The following MOB3B variants were observed in gnomAD, a reference collection of about 807,000 sequenced individuals.
MOB3B encodes MOB kinase activator-like 2B.
MOB3B carries 7 observed loss-of-function variants against 18.7 expected under a neutral mutation model. The observed-to-expected ratio is 0.37, with a 90% confidence interval of 0.21 to 0.70. MOB3B has a LOEUF of 0.70. MOB3B is among the 30% of genes least tolerant of loss of function. The pLI is 0.52. For synonymous variants in MOB3B, 111 were observed against 99.9 expected (o/e 1.11, Z -0.66); for missense variants, 253 against 281.3 (o/e 0.90, Z 0.72).
chr9:27,357,776 G>C (rs776997573), intron 3 of MOB3B, among the ~76,000 whole-genome samples: 7 of 151,264 alleles, frequency 4.6e-5, no homozygotes, highest in African/African-American at 1.2e-4. Flanking sequence ...ACCTGGCCAG[G>C]CATGGTGGCT....
At chr9:27,498,649 T>A (rs1196654804) in intron 1 of MOB3B, among the ~76,000 whole-genome samples, 1 of 152,212 alleles carries the variant, frequency 6.6e-6, no homozygotes, top group African/African-American at 2.4e-5. Context: ...AATGTTCTCA[T>A]CTAGGTCAAC....
At chr9:27,363,925 T>G (rs868805584) in intron 2 of MOB3B, among the ~76,000 whole-genome samples, 15 of 152,168 alleles carry the variant, frequency 9.9e-5, no homozygotes, top group Middle Eastern at 6.8e-3. Flanking sequence ...TAAATGTTTT[T>G]GTGGAGACAA....
rs144468844 is a variant in MOB3B, at chr9:27,505,171, C to T, written c.-199+24384G>A. On this transcript the variant is annotated intron_variant, in intron 1 of 3. Transcript: ENST00000262244. ...ACATCTTTGGGGAGCTATTATTTTACCTACCATACCGCATCATGTTTTTGC... is the reference window on the plus strand; with the variant it reads ...ACATCTTTGGGGAGCTATTATTTTATCTACCATACCGCATCATGTTTTTGC... Among the ~76,000 whole-genome samples the T allele has an allele frequency of 1.7e-3, 257 of 152,256 alleles. 2 individuals carry two copies. Among genetic ancestry groups the T allele is most frequent in the African/African-American group, 5.8e-3 (241 of 41,560 alleles).
rs147601782 is a variant in MOB3B at position 27,494,164 on chromosome 9, G to A, written c.-199+35391C>T. ...CTGCCTAATAAATTTTGGTCAGACC[G>A]GTTGATCTCAAAACCCTGTCTCCTG... On this transcript the variant is annotated intron_variant, in intron 1 of 3. Transcript: ENST00000262244. Among the ~76,000 whole-genome samples the A allele has an allele frequency of 2.5e-4, 38 of 152,270 alleles. 1 individual carries two copies. In the East Asian group the frequency reaches 6.2e-3, roughly 25 times the overall value.
intron 2 of MOB3B, among the ~76,000 whole-genome samples, chr9:27,425,395 C>CAA (rs1554648753): frequency 1.5e-5 from 2 of 134,558 alleles, no homozygotes; most frequent in East Asian, 4.4e-4. Context: ...AAAAACAAAA[C>CAA]AACAACAACA....
chr9:27,393,106 C>T (rs1008822828), intron 2 of MOB3B, among the ~76,000 whole-genome samples: 1 of 152,124 alleles, frequency 6.6e-6, no homozygotes, highest in Non-Finnish European at 1.5e-5. Flanking sequence ...ATTCTTAATA[C>T]CTGGCTATTA....
At chr9:27,526,224 C>G (rs73643406) in intron 1 of MOB3B, 7 of 152,220 alleles carry the variant, frequency 4.6e-5, no homozygotes, top group African/African-American at 1.7e-4. Context: ...AAAAGTGAGG[C>G]AAATTTCAGC....
chr9:27,417,800 C>A (rs776541086), intron 2 of MOB3B, among the ~76,000 whole-genome samples: 3 of 152,144 alleles, frequency 2.0e-5, no homozygotes, highest in Non-Finnish European at 2.9e-5. Context: ...CGGTGGCTCA[C>A]GCCTGTAATC....
intron 1 of MOB3B, among the ~76,000 whole-genome samples, chr9:27,508,697 G>A (rs1366072514): frequency 6.6e-6 from 1 of 152,248 alleles, no homozygotes; most frequent in Non-Finnish European, 1.5e-5. Flanking sequence ...TCTCAGACAG[G>A]CAGGCAAAAG....
chr9:27,398,748 T>A (rs959473889), intron 2 of MOB3B, among the ~76,000 whole-genome samples: 24 of 152,346 alleles, frequency 1.6e-4, no homozygotes, highest in African/African-American at 5.8e-4. Context: ...AGTATTTCTA[T>A]AAATAGTTAC....
At chr9:27,474,112 G>A (rs533706787) in intron 1 of MOB3B, among the ~76,000 whole-genome samples, 145 of 152,268 alleles carry the variant, frequency 9.5e-4, no homozygotes, top group African/African-American at 3.2e-3. Flanking sequence ...GTTACAGGTA[G>A]CCTGTAAGAC....
At chr9:27,368,384 A>C (rs1006255420) in intron 2 of MOB3B, among the ~76,000 whole-genome samples, 2 of 151,248 alleles carry the variant, frequency 1.3e-5, no homozygotes, top group African/African-American at 4.9e-5. Flanking sequence ...ACACACACAC[A>C]CATACAGAGA....
intron 2 of MOB3B, among the ~76,000 whole-genome samples, chr9:27,427,067 A>G (rs889604048): frequency 2.6e-5 from 4 of 152,196 alleles, no homozygotes; most frequent in African/African-American, 9.6e-5. Context: ...GCTCTCCTGA[A>G]AGCAGATCCC....
At chr9:27,388,788 C>A (rs142011322) in intron 2 of MOB3B, among the ~76,000 whole-genome samples, 1 of 152,076 alleles carries the variant, frequency 6.6e-6, no homozygotes, top group African/African-American at 2.4e-5. Flanking sequence ...CGTGCCTTGG[C>A]CATCTCCCTT....
intron 2 of MOB3B, among the ~76,000 whole-genome samples, chr9:27,427,612 G>A (rs1822355852): frequency 6.6e-6 from 1 of 151,844 alleles, no homozygotes; most frequent in Non-Finnish European, 1.5e-5. Flanking sequence ...TTGTTTTTTT[G>A]TGGCTCATCT....
intron 1 of MOB3B, among the ~76,000 whole-genome samples, chr9:27,515,820 G>A (rs937422003): frequency 6.6e-6 from 1 of 152,134 alleles, no homozygotes; most frequent in Non-Finnish European, 1.5e-5. Flanking sequence ...ATCCCCTGTC[G>A]TGGATTGAAC....
intron 3 of MOB3B, among the ~76,000 whole-genome samples, chr9:27,337,602 G>A (rs1820882602): frequency 6.6e-6 from 1 of 152,198 alleles, no homozygotes; most frequent in Non-Finnish European, 1.5e-5. Context: ...TCTGGACTGG[G>A]TAGTTTTCTT....
rs374263868 is a variant in MOB3B at position 27,395,874 on chromosome 9, AG to A, written c.419-36639del. Among the ~76,000 whole-genome samples, 560 of 152,324 alleles carry A rather than the reference AG, an allele frequency of 3.7e-3. 6 individuals carry two copies. Among genetic ancestry groups the A allele is most frequent in the African/African-American group, 0.013 (540 of 41,574 alleles). On this transcript the variant is annotated intron_variant, in intron 2 of 3. Transcript: ENST00000262244. ...TGGAGATAACAATAGGACTCGTTCA[AG>A]GAGCACTTGCAGGATTAAATGAGAC...
At chr9:27,404,347 CTT>C (rs756275032) in intron 2 of MOB3B, among the ~76,000 whole-genome samples, 94 of 75,150 alleles carry the variant, frequency 1.3e-3, no homozygotes, top group African/African-American at 4.3e-3. Flanking sequence ...TTCTTTCTTT[CTT>C]TTTTTTTTTT....
Sources: allele counts gnomAD v4.1 joint callset (sites outside exome capture counted in the v4.1 genomes callset), GRCh38; gene constraint gnomAD v4.1.1; transcripts MANE v1.5; gene names NCBI Gene and HGNC (gene_info 2026-07-23, HGNC 2026-07-21).